Variants in CTNNA3 observed in about 807,000 individuals in gnomAD.
CTNNA3 encodes the protein catenin alpha-3.
Under a neutral mutation model 95.7 loss-of-function variants are expected in CTNNA3, and 76 were observed. That is an observed-to-expected ratio of 0.79 (90% CI 0.66 to 0.96). CTNNA3 has a LOEUF of 0.96. CTNNA3 is among the 40% of genes least tolerant of loss of function. The pLI is 0.00. For synonymous variants in CTNNA3, 431 were observed against 374.4 expected, an observed-to-expected ratio of 1.15 and a Z score of -1.74; for missense variants, 1,191 against 1,089.8, an observed-to-expected ratio of 1.09 and a Z score of -1.31.
At chr10:66,806,309 T>C (rs1841643136) in intron 7 of CTNNA3, among the ~76,000 whole-genome samples, 4 of 146,858 alleles carry the variant, frequency 2.7e-5, no homozygotes, top group Non-Finnish European at 3.0e-5. Context: ...ACTCATTTAA[T>C]AATGGCAAAA....
intron 10 of CTNNA3, among the ~76,000 whole-genome samples, chr10:66,560,575 T>G (rs1842523293): frequency 6.6e-6 from 1 of 152,068 alleles, no homozygotes; most frequent in Non-Finnish European, 1.5e-5. Flanking sequence ...TTTGGGAATC[T>G]ACAGCTTTAT....
chr10:66,799,678 T>C (rs1413613407), intron 7 of CTNNA3, among the ~76,000 whole-genome samples: 1 of 151,072 alleles, frequency 6.6e-6, no homozygotes, highest in Non-Finnish European at 1.5e-5. Flanking sequence ...GTAGAGAAAA[T>C]GAAACTGAAA....
chr10:66,342,903 T>C (rs536999945), intron 12 of CTNNA3, among the ~76,000 whole-genome samples: 11 of 152,254 alleles, frequency 7.2e-5, no homozygotes, highest in South Asian at 4.1e-4. Flanking sequence ...ATTTGCTGAT[T>C]GAAAACTATG....
chr10:66,186,690 A>G (rs1589671825), intron 13 of CTNNA3, among the ~76,000 whole-genome samples: 2 of 152,174 alleles, frequency 1.3e-5, no homozygotes, highest in East Asian at 3.9e-4. Context: ...AAAGGCATTC[A>G]GGACATTTGT....
At chr10:67,452,693 A>G (rs1847032152) in intron 5 of CTNNA3, among the ~76,000 whole-genome samples, 1 of 152,206 alleles carries the variant, frequency 6.6e-6, no homozygotes, top group Non-Finnish European at 1.5e-5. Context: ...AGATATGTCC[A>G]GGAGGAGCGG....
rs551952333 is a variant in CTNNA3 at position 66,540,309 on chromosome 10, G to T, written c.1375-19536C>A. Among the ~76,000 whole-genome samples the T allele has an allele frequency of 2.1e-4, 32 of 152,272 alleles. No individual in the cohort carries two copies. The South Asian group carries it at 6.4e-3, about 31-fold the overall frequency. On this transcript the variant is annotated intron_variant, in intron 10 of 17. Transcript: ENST00000433211. ...GTCTCACTTGAAATACAGGCAATTTGTTGTACATGAAATTCACTTTGGAAG... is the reference window on the plus strand; with the variant it reads ...GTCTCACTTGAAATACAGGCAATTTTTTGTACATGAAATTCACTTTGGAAG...
intron 16 of CTNNA3, among the ~76,000 whole-genome samples, chr10:65,981,430 T>C (rs1458677203): frequency 6.6e-6 from 1 of 151,762 alleles, no homozygotes; most frequent in African/African-American, 2.4e-5. Flanking sequence ...TCCAAAAGCA[T>C]TCCACGAATT....
chr10:66,687,992 T>G (rs550224820), intron 9 of CTNNA3, among the ~76,000 whole-genome samples: 2 of 152,154 alleles, frequency 1.3e-5, no homozygotes, highest in East Asian at 1.9e-4. Flanking sequence ...AGAGAGATTG[T>G]GTCAAACACC....
chr10:67,310,651 C>T (rs1264547711), intron 5 of CTNNA3, among the ~76,000 whole-genome samples: 2 of 152,150 alleles, frequency 1.3e-5, no homozygotes, highest in African/African-American at 4.8e-5. Flanking sequence ...TGGCAGAAGG[C>T]AAAGCAAACA....
chr10:66,189,649 T>C (rs568285311), intron 13 of CTNNA3, among the ~76,000 whole-genome samples: 42 of 139,762 alleles, frequency 3.0e-4, no homozygotes, highest in Non-Finnish European at 4.8e-4. Flanking sequence ...CATATATATA[T>C]ACACACACAC....
At chr10:66,639,000 A>G (rs1845428138) in intron 9 of CTNNA3, among the ~76,000 whole-genome samples, 1 of 152,110 alleles carries the variant, frequency 6.6e-6, no homozygotes, top group African/African-American at 2.4e-5. Context: ...AAATAAAAAT[A>G]TATTTCTCTG....
At chr10:66,181,915 T>C (rs2131858150) in intron 13 of CTNNA3, among the ~76,000 whole-genome samples, 1 of 152,312 alleles carries the variant, frequency 6.6e-6, no homozygotes, top group South Asian at 2.1e-4. Context: ...CCAGTTACTT[T>C]CCCCTTAGGC....
chr10:67,159,942 G>T (rs1403222625), intron 7 of CTNNA3, among the ~76,000 whole-genome samples: 1 of 152,060 alleles, frequency 6.6e-6, no homozygotes, highest in African/African-American at 2.4e-5. Flanking sequence ...CCTATAGAAT[G>T]GAAGGAAACA....
chr10:67,321,131 A>G (rs1166246831), intron 5 of CTNNA3, among the ~76,000 whole-genome samples: 1 of 152,196 alleles, frequency 6.6e-6, no homozygotes, highest in Non-Finnish European at 1.5e-5. Flanking sequence ...TCTTATCATG[A>G]TATTGTTAAA....
intron 7 of CTNNA3, among the ~76,000 whole-genome samples, chr10:67,171,165 A>G (rs1695442543): frequency 6.6e-6 from 1 of 152,230 alleles, no homozygotes; most frequent in African/African-American, 2.4e-5. Context: ...CATATTTTCC[A>G]GTATATAGTA....
At chr10:66,225,479 G>A (rs1023237059) in intron 13 of CTNNA3, among the ~76,000 whole-genome samples, 1 of 145,250 alleles carries the variant, frequency 6.9e-6, no homozygotes, top group African/African-American at 2.6e-5. Context: ...CATTAATCTG[G>A]TGATAAGCAA....
chr10:66,083,008 C>G (rs1213576358), intron 14 of CTNNA3, among the ~76,000 whole-genome samples: 3 of 148,410 alleles, frequency 2.0e-5, no homozygotes, highest in East Asian at 2.0e-4. Context: ...AAAAAGAGTC[C>G]CTTCCCTAAA....
intron 5 of CTNNA3, among the ~76,000 whole-genome samples, chr10:67,419,250 ATCTT>A (rs1223991851): frequency 6.6e-6 from 1 of 152,226 alleles, no homozygotes; most frequent in East Asian, 1.9e-4. Flanking sequence ...AATAAAATAA[ATCTT>A]AAACAAATTA....
intron 9 of CTNNA3, among the ~76,000 whole-genome samples, chr10:66,711,314 C>T (rs1274352880): frequency 6.8e-6 from 1 of 147,968 alleles, no homozygotes; most frequent in Non-Finnish European, 1.5e-5. Flanking sequence ...ATAAACTCAT[C>T]ATGACCTTTA....
Sources: gnomAD v4.1 joint callset for allele counts (sites outside exome capture counted in the v4.1 genomes callset) on GRCh38, gnomAD v4.1.1 for gene constraint, MANE v1.5 for transcripts, NCBI Gene and HGNC (gene_info 2026-07-23, HGNC 2026-07-21) for gene names.